MYH8: variants seen among roughly 807,000 people sequenced by gnomAD.
MYH8 encodes the protein myosin-8.
In MYH8, 168 loss-of-function variants were observed where a neutral mutation model predicts 233.2. The ratio of observed to expected loss-of-function variants is 0.72; its 90% confidence interval spans 0.64 to 0.82. The LOEUF is 0.82. MYH8 is among the 40% of genes least tolerant of loss of function. The pLI, the probability that MYH8 is intolerant of heterozygous loss-of-function variation, is 0.00. For missense variants in MYH8, 1,995 were observed against 2,327.8 expected, an observed-to-expected ratio of 0.86 and a Z score of 2.94; for synonymous variants, 785 against 850.6, an observed-to-expected ratio of 0.92 and a Z score of 1.34.
Position 10,414,500 on chromosome 17 carries a change from G to A in MYH8, c.806-16C>T, listed in dbSNP as rs777917785. The A allele has an allele frequency of 9.7e-6, 15 of 1,545,274 alleles. No individual in the cohort carries two copies. The East Asian group carries it at 3.4e-4, about 35-fold the overall frequency. ...TCTAAAAGATCTGGAGAGGGAAATA[G>A]ATATCGAGTTTGAAAAAAGTATCAA... On this transcript the variant is annotated splice_polypyrimidine_tract_variant and intron_variant, in intron 9 of 39. Transcript: ENST00000403437.
In MYH8 at chr17:10,419,324, C is replaced by G. The variant is rs1277262708; in HGVS notation, c.211-294G>C. On this transcript the variant is annotated intron_variant, in intron 3 of 39. Coordinates refer to ENST00000403437, the MANE Select transcript of MYH8 (RefSeq NM_002472.3). The surrounding 1 kb of genome is among the most constrained non-coding windows in gnomAD (Gnocchi z 4.0). ...CCACCTGCCTCAGCCTCCCAAAGTGCTGGGATTACAGGCGTGAGCCACTGC... is the reference window on the plus strand; with the variant it reads ...CCACCTGCCTCAGCCTCCCAAAGTGGTGGGATTACAGGCGTGAGCCACTGC... 6.6e-6 allele frequency among the ~76,000 whole-genome samples: 1 copy of G among 152,226 alleles called. No individual in the cohort carries two copies. Among genetic ancestry groups the G allele is most frequent in the Non-Finnish European group, 1.5e-5 (1 of 68,040 alleles).
chr17:10,409,502 C>T lies in MYH8; in HGVS notation c.1674G>A (p.Gln558=), dbSNP rs1346391597. Residue 558 remains glutamine, a synonymous_variant, in exon 16 of 40, where the codon CAG becomes CAA. Coordinates refer to ENST00000403437, the MANE Select transcript of MYH8 (RefSeq NM_002472.3). Reference sequence around the variant, plus strand: ...GGAAGTTGGCAGACTTGCCCAGGTGCTGGTCATACAGCTTGTTCTTGAAGG... The same window carrying T: ...GGAAGTTGGCAGACTTGCCCAGGTGTTGGTCATACAGCTTGTTCTTGAAGG... ...DTSFKNKLYD[Q]HLGKSANFQK... is the part of the protein sequence containing the mutation. The T allele has an allele frequency of 1.9e-6, 3 of 1,614,120 alleles. No individual in the cohort carries two copies. In the African/African-American group the frequency reaches 4.0e-5, roughly 22 times the overall value.
intron 30 of MYH8, among the ~76,000 whole-genome samples, chr17:10,397,898 CCTCCTGAATT>C (rs2072094863): frequency 6.6e-6 from 1 of 151,974 alleles, no homozygotes. Context: ...GTTTTTTTTC[CCTCCTGAATT>C]CTCTACATTC....
intron 28 of MYH8, 148 bp downstream of exon 28, chr17:10,399,395 G>T: frequency 7.4e-7 from 1 of 1,349,172 alleles, no homozygotes; most frequent in Non-Finnish European, 1.0e-6. Context: ...TGTCTGCTCA[G>T]TCTTGACTTC....
intron 22 of MYH8, among the ~76,000 whole-genome samples, chr17:10,402,277 C>T (rs545508947): frequency 4.7e-4 from 71 of 152,028 alleles, no homozygotes; most frequent in African/African-American, 1.7e-3. Flanking sequence ...CCCCCTCAAA[C>T]CAATAATTGC....
Position 10,415,039 on chromosome 17 carries a change from A to G in MYH8, c.805+77T>C. The G allele has an allele frequency of 1.4e-6, 2 of 1,383,838 alleles. No homozygotes were observed. The highest frequency in any genetic ancestry group is 2.1e-6 in the Non-Finnish European group (2 of 970,766). 85.7% of individuals were successfully genotyped at this position (1,383,838 alleles called of 1,614,324 possible). ...TACCCTTTTAACAGGCTTCATGCAC[A>G]GCAAGGGTGGCAAAATATCCCTGCA... On this transcript the variant is annotated intron_variant, in intron 9 of 39. Coordinates refer to ENST00000403437, the MANE Select transcript of MYH8 (RefSeq NM_002472.3). This position sits in a 1 kb window ranked among gnomAD's most constrained non-coding sequence, Gnocchi z 4.1.
At chr17:10,413,636 A>G (rs140198195) in intron 12 of MYH8, among the ~76,000 whole-genome samples, 6 of 152,244 alleles carry the variant, frequency 3.9e-5, no homozygotes, top group African/African-American at 1.4e-4. Context: ...GCCAACCAGG[A>G]GCACTATTAT....
rs140722284 is a variant in MYH8 at position 10,415,364 on chromosome 17, G to T, written c.669C>A (p.Ile223=). ...GKMQGTLEDQ[I]ISANPLLEAF... is the part of the protein sequence containing the mutation. ...CCTCCAGTAGGGGATTGGCGCTGAT[G>T]ATTTGATCTTCCAGAGTCCCCTGCA... Residue 223 remains isoleucine (I), a synonymous_variant, in exon 8 of 40, where the codon ATC becomes ATA. Transcript: ENST00000403437. This position sits in a 1 kb window ranked among gnomAD's most constrained non-coding sequence, Gnocchi z 4.1. 6.2e-7 allele frequency: 1 copy of T among 1,614,058 alleles called. No homozygotes were observed. Among genetic ancestry groups the T allele is most frequent in the Non-Finnish European group, 8.5e-7 (1 of 1,180,016 alleles).
At position 10,419,109 on chromosome 17, in the gene MYH8, G is replaced by A. The variant is rs1028615838; in HGVS notation, c.211-79C>T. The A allele has an allele frequency of 1.3e-6, 2 of 1,535,578 alleles. No homozygotes were observed. Among genetic ancestry groups the A allele is most frequent in the East Asian group, 4.6e-5 (2 of 43,898 alleles). The stretch of plus-strand genomic sequence containing the variant: ...TTTTGCTTTTTTTGCCCAGGCTGGA[G>A]TGCAGTGGCGCGATCTCAGCTCACT... On this transcript the variant is annotated intron_variant, in intron 3 of 39. Transcript: ENST00000403437. This position sits in a 1 kb window ranked among gnomAD's most constrained non-coding sequence, Gnocchi z 4.0.
chr17:10,418,588 C>G, intron 5 of MYH8, 57 bp downstream of exon 5: 1 of 1,612,178 alleles, frequency 6.2e-7, no homozygotes, highest in Admixed American at 1.7e-5. Context: ...AGAGGTCTGT[C>G]TGTTCTGCAA....
Position 10,401,166 on chromosome 17 carries a change from T to C in MYH8, c.3134A>G (p.Lys1045Arg), listed in dbSNP as rs762795207. ...TCTTTCTAGATCCATTCGAAGCTTC[T>C]TTTCTTGTTCCAGAGACCCTTCAAG... is the stretch of plus-strand genomic sequence containing the variant. ...DDLEGSLEQE[K>R]KLRMDLERAK... The change falls in exon 25 of 40, where the codon AAG becomes AGG. Residue 1045 changes from lysine (K) to arginine (R), a missense_variant. Transcript: ENST00000403437. 1.2e-6 allele frequency: 2 copies of C among 1,613,748 alleles called. No homozygotes were observed. The highest frequency in any genetic ancestry group is 4.5e-5 in the East Asian group (2 of 44,884).
chr17:10,410,654 T>G, intron 15 of MYH8, 123 bp downstream of exon 15: 2 of 1,473,690 alleles, frequency 1.4e-6, no homozygotes, highest in Non-Finnish European at 1.9e-6. Context: ...AATTTCTAAA[T>G]AGTAATTTTC....
chr17:10,392,472 A>C, intron 38 of MYH8, 70 bp downstream of exon 38: 1 of 1,357,502 alleles, frequency 7.4e-7, no homozygotes, highest in Non-Finnish European at 1.1e-6. Context: ...CATATAAATA[A>C]ATAGTCATAA....
At chr17:10,409,696 T>C in intron 15 of MYH8, 108 bp from the exon 16 acceptor site, 13 of 1,439,170 alleles carry the variant, frequency 9.0e-6, no homozygotes, top group Non-Finnish European at 1.2e-5. Context: ...AATATATGTA[T>C]GAAATAAACC....
chr17:10,391,996 T>C lies in MYH8; in HGVS notation c.5569-19A>G, dbSNP rs2072029832. The C allele has an allele frequency of 6.3e-7, 1 of 1,597,644 alleles. No homozygotes were observed. The highest frequency in any genetic ancestry group is 8.6e-7 in the Non-Finnish European group (1 of 1,165,034). ...CTTCAGTCTGAAAGTTTGAAAAAAATAATCTGCATTCATTCCGAAGAGATA... is the reference window on the plus strand; with the variant it reads ...CTTCAGTCTGAAAGTTTGAAAAAAACAATCTGCATTCATTCCGAAGAGATA... On this transcript the variant is annotated intron_variant, in intron 38 of 39. Coordinates refer to ENST00000403437, the MANE Select transcript of MYH8 (RefSeq NM_002472.3).
rs1287498039 is a variant in MYH8, at chr17:10,400,046, AC to A, written c.3735+343del. ...GTGAAACCCCGTCTCTACTAAAAAT[AC>A]AAAAAATTAGCTAGGCGTGCTGGCG... On this transcript the variant is annotated intron_variant, in intron 27 of 39. Transcript: ENST00000403437. This position sits in a 1 kb window ranked among gnomAD's most constrained non-coding sequence, Gnocchi z 4.0. Among the ~76,000 whole-genome samples, 1 of 152,168 alleles carries A rather than the reference AC, an allele frequency of 6.6e-6. No individual in the cohort carries two copies. Among genetic ancestry groups the A allele is most frequent in the Non-Finnish European group, 1.5e-5 (1 of 68,032 alleles).
chr17:10,397,443 G>T (rs2072090337), intron 30 of MYH8, among the ~76,000 whole-genome samples: 1 of 152,142 alleles, frequency 6.6e-6, no homozygotes, highest in African/African-American at 2.4e-5. Flanking sequence ...CAAAACGGTG[G>T]CAGCCAGAAC....
chr17:10,416,497 A>C lies in MYH8; in HGVS notation c.512-789T>G, dbSNP rs1167967808. 5.3e-5 allele frequency among the ~76,000 whole-genome samples: 8 copies of C among 152,112 alleles called. No homozygotes were observed. In the South Asian group the frequency reaches 1.0e-3, roughly 20 times the overall value. On this transcript the variant is annotated intron_variant, in intron 5 of 39. Coordinates refer to ENST00000403437, the MANE Select transcript of MYH8 (RefSeq NM_002472.3). ...AAGTAGAATTGTGGGATCATACTGTAATTCTATTTCTAATTTGTTGAGGAA... is the reference window on the plus strand; with the variant it reads ...AAGTAGAATTGTGGGATCATACTGTCATTCTATTTCTAATTTGTTGAGGAA...
intron 35 of MYH8, 111 bp downstream of exon 35, chr17:10,394,138 C>A (rs1393422904): frequency 7.9e-6 from 11 of 1,385,198 alleles, no homozygotes; most frequent in Non-Finnish European, 9.1e-6. Context: ...TTGAGCATAT[C>A]CCCCATCCAT....
Sources: gnomAD v4.1 joint callset for allele counts (sites outside exome capture counted in the v4.1 genomes callset) on GRCh38, gnomAD v4.1.1 for gene constraint, Gnocchi (gnomAD v3.1) non-coding constraint, MANE v1.5 for transcripts, NCBI Gene and HGNC (gene_info 2026-07-23, HGNC 2026-07-21) for gene names.